The following PALM2AKAP2 variants were observed in gnomAD, a reference collection of about 807,000 sequenced individuals.
PALM2AKAP2 encodes the protein PALM2-AKAP2 fusion protein.
In PALM2AKAP2, 37 loss-of-function variants were observed where a neutral mutation model predicts 71.5. The ratio of observed to expected loss-of-function variants is 0.52; its 90% CI spans 0.40 to 0.68. The LOEUF is 0.68. Among genes scored for constraint, PALM2AKAP2 ranks in the 30% least tolerant of loss-of-function variants. The pLI is 0.00. For synonymous variants in PALM2AKAP2, 468 were observed against 478.8 expected (o/e 0.98, Z 0.29); for missense variants, 1,224 against 1,191.8 (o/e 1.03, Z -0.40).
intron 1 of PALM2AKAP2, among the ~76,000 whole-genome samples, chr9:109,835,907 G>A (rs1303725108): frequency 5.9e-5 from 9 of 152,290 alleles, no homozygotes; most frequent in South Asian, 4.1e-4. Flanking sequence ...GGAGCCCACC[G>A]CAGCTCAAGG....
intron 3 of PALM2AKAP2, among the ~76,000 whole-genome samples, chr9:109,903,236 G>T (rs2131857880): frequency 6.6e-6 from 1 of 152,164 alleles, no homozygotes; most frequent in African/African-American, 2.4e-5. Flanking sequence ...AAGCAGGAGA[G>T]CCATGAGCCT....
intron 3 of PALM2AKAP2, among the ~76,000 whole-genome samples, chr9:110,161,436 A>G (rs1301235863): frequency 6.6e-6 from 1 of 152,146 alleles, no homozygotes; most frequent in South Asian, 2.1e-4. Context: ...TTAGTCCCCT[A>G]TAGGAACTAA....
At chr9:109,773,843 A>T (rs1829310321) in intron 1 of PALM2AKAP2, among the ~76,000 whole-genome samples, 1 of 152,256 alleles carries the variant, frequency 6.6e-6, no homozygotes, top group Non-Finnish European at 1.5e-5. Context: ...GTAATGAGCA[A>T]TTTTTGAGAC....
chr9:110,118,673 T>G (rs531907132), intron 1 of PALM2AKAP2, among the ~76,000 whole-genome samples: 1 of 152,286 alleles, frequency 6.6e-6, no homozygotes, highest in African/African-American at 2.4e-5. Context: ...CTTCCTTTTT[T>G]CAGAAGTTAA....
chr9:110,053,527 C>CAAAAAAAAAAAAAAAAAAAAAAAAAA (rs56132919), intron 1 of PALM2AKAP2, among the ~76,000 whole-genome samples: 4 of 82,870 alleles, frequency 4.8e-5, no homozygotes, highest in Non-Finnish European at 9.0e-5. Context: ...AACTCTGTCT[C>CAAAAAAAAAAAAAAAAAAAAAAAAAA]AAAAAAAAAA....
chr9:109,687,082 G>C (rs993914682), intron 1 of PALM2AKAP2, among the ~76,000 whole-genome samples: 5 of 152,124 alleles, frequency 3.3e-5, no homozygotes, highest in African/African-American at 9.7e-5. Context: ...TATCATTGTT[G>C]GTCATTTAGG....
chr9:110,105,267 A>G (rs1835091558), intron 1 of PALM2AKAP2, among the ~76,000 whole-genome samples: 1 of 152,258 alleles, frequency 6.6e-6, no homozygotes, highest in African/African-American at 2.4e-5. Context: ...AGAAAAGAGC[A>G]TGCAGAGTGA....
exon 3 of PALM2AKAP2, chr9:110,156,473 G>A (rs756767326): frequency 6.2e-7 from 1 of 1,609,120 alleles, no homozygotes; most frequent in Non-Finnish European, 8.5e-7. Flanking sequence ...AATCTAAAAG[G>A]CGCGAGAGAA....
intron 1 of PALM2AKAP2, chr9:110,090,404 C>G (rs1005826475): frequency 3.1e-5 from 14 of 456,610 alleles, no homozygotes; most frequent in Admixed American, 2.8e-4. Flanking sequence ...GGATGCTGTT[C>G]TCTCTCTTCA....
chr9:110,031,651 A>G (rs1053071232), intron 7 of PALM2AKAP2, among the ~76,000 whole-genome samples: 2 of 152,194 alleles, frequency 1.3e-5, no homozygotes, highest in Non-Finnish European at 2.9e-5. Flanking sequence ...AGAGAGATTA[A>G]GTAACTTGTC....
chr9:109,666,118 G>A (rs143504631), intron 1 of PALM2AKAP2, among the ~76,000 whole-genome samples: 297 of 152,320 alleles, frequency 1.9e-3, no homozygotes, highest in African/African-American at 6.8e-3. Flanking sequence ...CTAGGAAAGG[G>A]AAATCCCCTG....
chr9:110,122,026 T>A (rs1010017770), intron 1 of PALM2AKAP2, among the ~76,000 whole-genome samples: 1 of 152,236 alleles, frequency 6.6e-6, no homozygotes, highest in Non-Finnish European at 1.5e-5. Context: ...TCCTAGCAGC[T>A]GGCCTACGCT....
chr9:109,691,143 A>G (rs1442828575), intron 1 of PALM2AKAP2, among the ~76,000 whole-genome samples: 1 of 150,534 alleles, frequency 6.6e-6, no homozygotes, highest in Non-Finnish European at 1.5e-5. Context: ...TCGATCTCTG[A>G]GAGGTACCAA....
intron 3 of PALM2AKAP2, among the ~76,000 whole-genome samples, chr9:109,894,974 A>G (rs1331075307): frequency 6.6e-6 from 1 of 152,164 alleles, no homozygotes; most frequent in Non-Finnish European, 1.5e-5. Context: ...CTTTGAATCT[A>G]GAAAAGAACT....
intron 6 of PALM2AKAP2, among the ~76,000 whole-genome samples, chr9:109,940,140 T>G (rs1831325827): frequency 6.6e-6 from 1 of 152,214 alleles, no homozygotes; most frequent in Non-Finnish European, 1.5e-5. Flanking sequence ...GTATATTGGG[T>G]ACCTGCTATA....
chr9:109,797,164 A>G (rs538130760), intron 1 of PALM2AKAP2, among the ~76,000 whole-genome samples: 1 of 151,916 alleles, frequency 6.6e-6, no homozygotes, highest in Non-Finnish European at 1.5e-5. Context: ...TTTCTTCTGC[A>G]TTCACTTTCC....
chr9:109,655,811 C>T (rs1460646534), intron 1 of PALM2AKAP2, among the ~76,000 whole-genome samples: 1 of 152,154 alleles, frequency 6.6e-6, no homozygotes, highest in Non-Finnish European at 1.5e-5. Context: ...TATGGCTATA[C>T]CACGTTTTAT....
chr9:109,900,525 T>C (rs553880070), intron 3 of PALM2AKAP2, among the ~76,000 whole-genome samples: 5 of 152,194 alleles, frequency 3.3e-5, no homozygotes, highest in Non-Finnish European at 5.9e-5. Context: ...TGGAGGACCT[T>C]AGGATTTGGG....
intron 1 of PALM2AKAP2, among the ~76,000 whole-genome samples, chr9:110,122,167 C>CTA (rs1835502165): frequency 6.6e-6 from 1 of 152,084 alleles, no homozygotes; most frequent in Admixed American, 6.5e-5. Context: ...AGTAGCTGTA[C>CTA]TATAGGTGCA....
Sources: gnomAD v4.1 joint callset for allele counts (sites outside exome capture counted in the v4.1 genomes callset) on GRCh38, gnomAD v4.1.1 for gene constraint, MANE v1.5 for transcripts, NCBI Gene and HGNC (gene_info 2026-07-23, HGNC 2026-07-21) for gene names.